Variants in SYNJ2BP observed in about 807,000 individuals in gnomAD.
The protein encoded by SYNJ2BP is synaptojanin-2-binding protein.
Under a neutral mutation model 16.9 loss-of-function variants are expected in SYNJ2BP, and 10 were observed. The ratio of observed to expected loss-of-function variants is 0.59; its 90% CI spans 0.36 to 1.00. SYNJ2BP has a LOEUF of 1.00. Among genes scored for constraint, SYNJ2BP ranks in the 50% least tolerant of loss-of-function variants. The probability of loss-of-function intolerance (pLI) is 0.01; values close to 1 mark genes in which losing one functional copy is unlikely to be tolerated. For synonymous variants in SYNJ2BP, 54 were observed against 68.4 expected, an observed-to-expected ratio of 0.79 and a Z score of 1.04; for missense variants, 162 against 186.7, an observed-to-expected ratio of 0.87 and a Z score of 0.77.
chr14:70,410,107 G>A (rs1356778589), intron 1 of SYNJ2BP, among the ~76,000 whole-genome samples: 1 of 152,086 alleles, frequency 6.6e-6, no homozygotes, highest in Non-Finnish European at 1.5e-5. Context: ...GACAGAGCAA[G>A]ACCCTGTCTC....
intron 1 of SYNJ2BP, among the ~76,000 whole-genome samples, chr14:70,396,576 GTATGTATGTATGTATGTGTGTA>G (rs1466748433): frequency 2.9e-5 from 2 of 70,088 alleles, no homozygotes; most frequent in Non-Finnish European, 5.8e-5. Context: ...TGATATGTGT[GTATGTATGTATGTATGTGTGTA>G]TATGTATGTA....
In SYNJ2BP at chr14:70,410,393, C is replaced by T. The variant is rs574074961; in HGVS notation, c.64+6507G>A. Among the ~76,000 whole-genome samples the T allele has an allele frequency of 2.6e-5, 4 of 152,270 alleles. No homozygotes were observed. The East Asian group carries it at 5.8e-4, about 22-fold the overall frequency. ...GAGCCAAGATCGTGCCACTGCACTC[C>T]AGCCTCGGTGACAAAGTAAGACCCT... On this transcript the variant is annotated intron_variant, in intron 1 of 3. Transcript: ENST00000256366.
chr14:70,379,968 C>A (rs927333170), intron 2 of SYNJ2BP, among the ~76,000 whole-genome samples: 10 of 152,224 alleles, frequency 6.6e-5, no homozygotes, highest in Non-Finnish European at 1.2e-4. Flanking sequence ...AAATACTGGG[C>A]TTAAAATAAT....
At chr14:70,400,194 A>C (rs1888205532) in intron 1 of SYNJ2BP, among the ~76,000 whole-genome samples, 1 of 152,238 alleles carries the variant, frequency 6.6e-6, no homozygotes, top group South Asian at 2.1e-4. Context: ...GATCAAAACA[A>C]GACAACAATT....
intron 1 of SYNJ2BP, among the ~76,000 whole-genome samples, chr14:70,405,121 TGTCA>T (rs1471987125): frequency 2.0e-5 from 3 of 152,068 alleles, no homozygotes; most frequent in Non-Finnish European, 4.4e-5. Context: ...GGTGAGACCC[TGTCA>T]GTCAATCAAT....
At chr14:70,376,757 A>G (rs538940197) in intron 2 of SYNJ2BP, among the ~76,000 whole-genome samples, 1 of 152,350 alleles carries the variant, frequency 6.6e-6, no homozygotes, top group East Asian at 1.9e-4. Context: ...AGCTAGGGCT[A>G]GGATTTGTAA....
chr14:70,378,359 T>G (rs2140815539), intron 2 of SYNJ2BP, among the ~76,000 whole-genome samples: 1 of 152,218 alleles, frequency 6.6e-6, no homozygotes, highest in African/African-American at 2.4e-5. Context: ...CAAAACCTCT[T>G]TATTACTTCC....
At chr14:70,393,965 TAA>T (rs71105707) in intron 1 of SYNJ2BP, among the ~76,000 whole-genome samples, 2 of 135,706 alleles carry the variant, frequency 1.5e-5, no homozygotes, top group African/African-American at 2.8e-5. Context: ...AACTTAAAAT[TAA>T]AAAAAAAAAA....
At chr14:70,378,746 A>T (rs1363765208) in intron 2 of SYNJ2BP, among the ~76,000 whole-genome samples, 3 of 152,158 alleles carry the variant, frequency 2.0e-5, no homozygotes, top group African/African-American at 7.2e-5. Flanking sequence ...TAAAAACAAA[A>T]CAAAAACTTG....
intron 2 of SYNJ2BP, among the ~76,000 whole-genome samples, chr14:70,378,698 T>C (rs1887685671): frequency 6.6e-6 from 1 of 152,182 alleles, no homozygotes; most frequent in South Asian, 2.1e-4. Context: ...TCTCATACAG[T>C]ATTTTCTTTC....
intron 1 of SYNJ2BP, among the ~76,000 whole-genome samples, chr14:70,393,331 G>C (rs1315202605): frequency 1.3e-5 from 2 of 152,202 alleles, no homozygotes; most frequent in East Asian, 3.8e-4. Flanking sequence ...TGGAGAAATG[G>C]GGATGCTTTT....
chr14:70,409,775 T>G (rs931757441), intron 1 of SYNJ2BP, among the ~76,000 whole-genome samples: 1 of 152,182 alleles, frequency 6.6e-6, no homozygotes, highest in African/African-American at 2.4e-5. Context: ...TACCACTTTT[T>G]GAAAGCTGAA....
chr14:70,372,097 GTTC>G lies in SYNJ2BP; in HGVS notation c.*891_*893del, dbSNP rs773204373. ...GTTGGCTGTTATAAGAATAAATATT[GTTC>G]TTCTAAGATTTTTAATTAGTTGCTT... is the stretch of plus-strand genomic sequence containing the variant. On this transcript the variant is annotated 3_prime_UTR_variant, in exon 4 of 4. Transcript: ENST00000256366. 4 of 151,974 alleles carry G rather than the reference GTTC, an allele frequency of 2.6e-5. No individual in the cohort carries two copies. Among genetic ancestry groups the G allele is most frequent in the Non-Finnish European group, 2.9e-5 (2 of 67,990 alleles). The allele number at this position is 151,974 out of a possible 1,614,324, so 9.4% of individuals were successfully genotyped here.
In SYNJ2BP at chr14:70,371,815, C is replaced by T. The variant is rs1396293279; in HGVS notation, c.*1176G>A. 6.6e-6 allele frequency: 1 copy of T among 152,216 alleles called. No homozygotes were observed. 9.4% of individuals were successfully genotyped at this position (152,216 alleles called of 1,614,324 possible). ...TTTGTTAGTAGAAACCAAAAAGTAG[C>T]CTGAGAGGGTTCAGGTGCCACCTTG... On this transcript the variant is annotated 3_prime_UTR_variant, in exon 4 of 4. Coordinates refer to ENST00000256366, the MANE Select transcript of SYNJ2BP (RefSeq NM_018373.3).
intron 2 of SYNJ2BP, among the ~76,000 whole-genome samples, chr14:70,377,324 CCTTTTCTTG>C (rs1887653100): frequency 6.6e-6 from 1 of 152,166 alleles, no homozygotes; most frequent in Non-Finnish European, 1.5e-5. Context: ...ATTCTGCAAT[CCTTTTCTTG>C]CCATCATTAA....
Position 70,372,900 on chromosome 14 carries a change from T to C in SYNJ2BP, c.*91A>G. The C allele has an allele frequency of 2.6e-6, 4 of 1,562,360 alleles. No individual in the cohort carries two copies. The highest frequency in any genetic ancestry group is 2.2e-5 in the East Asian group (1 of 44,646). ...GTATCAGTCACTTCAAATCTGGCTATGCAGAGAGAGGGAAAGACATGGCAG... is the reference window on the plus strand; with the variant it reads ...GTATCAGTCACTTCAAATCTGGCTACGCAGAGAGAGGGAAAGACATGGCAG... On this transcript the variant is annotated 3_prime_UTR_variant, in exon 4 of 4. Coordinates refer to ENST00000256366, the MANE Select transcript of SYNJ2BP (RefSeq NM_018373.3).
intron 1 of SYNJ2BP, among the ~76,000 whole-genome samples, chr14:70,415,550 CAAA>C (rs1224306215): frequency 7.7e-5 from 5 of 65,040 alleles, no homozygotes; most frequent in Admixed American, 1.7e-4. Flanking sequence ...GACCCTGTCT[CAAA>C]AAAAAAAAAA....
At chr14:70,414,379 C>T (rs376946809) in intron 1 of SYNJ2BP, among the ~76,000 whole-genome samples, 5 of 152,238 alleles carry the variant, frequency 3.3e-5, no homozygotes, top group African/African-American at 1.2e-4. Context: ...ATACAGAAAT[C>T]AAACCATTTT....
chr14:70,382,330 ATTG>A (rs1272378834), intron 2 of SYNJ2BP, among the ~76,000 whole-genome samples: 2 of 152,216 alleles, frequency 1.3e-5, no homozygotes, highest in East Asian at 1.9e-4. Flanking sequence ...ATAGAAAAGT[ATTG>A]TTGTGTTAAA....
Sources: gnomAD v4.1 joint callset for allele counts (sites outside exome capture counted in the v4.1 genomes callset) on GRCh38, gnomAD v4.1.1 for gene constraint, MANE v1.5 for transcripts, NCBI Gene and HGNC (gene_info 2026-07-23, HGNC 2026-07-21) for gene names.